Variants in NOL4L observed in about 807,000 individuals in gnomAD.
NOL4L encodes nucleolar protein 4-like.
In NOL4L, 7 loss-of-function variants were observed where a neutral mutation model predicts 64.5. The ratio of observed to expected loss-of-function variants is 0.11; its 90% CI spans 0.06 to 0.20. The LOEUF (loss-of-function observed/expected upper bound fraction) is 0.20, where lower values mean the gene tolerates loss of function less well. NOL4L is among the 10% of genes least tolerant of loss of function. NOL4L has a pLI of 1.00. For synonymous variants in NOL4L, 413 were observed against 401.0 expected, an observed-to-expected ratio of 1.03 and a Z score of -0.36; for missense variants, 680 against 967.1, an observed-to-expected ratio of 0.70 and a Z score of 3.94.
rs2018205246 is a variant in NOL4L, at chr20:32,528,135, G to A, written c.322-222C>T. Among the ~76,000 whole-genome samples, 4 of 152,326 alleles carry A rather than the reference G, an allele frequency of 2.6e-5. No individual in the cohort carries two copies. In the East Asian group the frequency reaches 5.8e-4, roughly 22 times the overall value. ...CCAGCAACAATGGGCAGAGAACGGCGACAACGAAAATACAAATTAAAAAAC... is the reference window on the plus strand; with the variant it reads ...CCAGCAACAATGGGCAGAGAACGGCAACAACGAAAATACAAATTAAAAAAC... On this transcript the variant is annotated intron_variant, in intron 1 of 10. Transcript: ENST00000621426.
At chr20:32,514,457 A>T (rs1381006232) in intron 3 of NOL4L, among the ~76,000 whole-genome samples, 1 of 151,514 alleles carries the variant, frequency 6.6e-6, no homozygotes, top group Non-Finnish European at 1.5e-5. Context: ...ATGTCATTGC[A>T]CTCCAGCCTG....
At position 32,460,683 on chromosome 20, in the gene NOL4L, C is replaced by T. The variant is rs955579109; in HGVS notation, c.842-4288G>A. ...CACATCATAACTCACCCACTGCCGA[C>T]GCACGAGGCTCCCAGACTGCAACGG... On this transcript the variant is annotated intron_variant, in intron 5 of 10. Transcript: ENST00000621426. The surrounding 1 kb of genome is among the most constrained non-coding windows in gnomAD (Gnocchi z 5.7). 7.2e-5 allele frequency among the ~76,000 whole-genome samples: 11 copies of T among 152,206 alleles called. No homozygotes were observed. The highest frequency in any genetic ancestry group is 1.2e-4 in the Non-Finnish European group (8 of 68,030).
At chr20:32,547,429 A>G (rs2018747364) in intron 1 of NOL4L, among the ~76,000 whole-genome samples, 1 of 152,098 alleles carries the variant, frequency 6.6e-6, no homozygotes. Context: ...TAGCTGGACT[A>G]CAGGCACAAG....
intron 1 of NOL4L, among the ~76,000 whole-genome samples, chr20:32,542,765 A>G (rs1038312186): frequency 4.6e-5 from 7 of 152,172 alleles, no homozygotes; most frequent in African/African-American, 1.7e-4. Flanking sequence ...TGTGAAGATG[A>G]AACACCTTAA....
intron 1 of NOL4L, among the ~76,000 whole-genome samples, chr20:32,560,873 G>C (rs1435452716): frequency 2.0e-5 from 3 of 152,270 alleles, no homozygotes; most frequent in African/African-American, 7.2e-5. Flanking sequence ...TAGGAGCTTA[G>C]CCAGCATCGG....
intron 10 of NOL4L, chr20:32,449,832 T>G (rs6141724): frequency 0.34 from 51,340 of 152,242 alleles, 9,986 homozygotes; most frequent in East Asian, 0.72. Context: ...TGGTCCCCTC[T>G]GCGTCATGCT....
intron 2 of NOL4L, among the ~76,000 whole-genome samples, chr20:32,522,259 G>A (rs1335298297): frequency 6.6e-6 from 1 of 152,230 alleles, no homozygotes; most frequent in Non-Finnish European, 1.5e-5. Context: ...TGACACAATT[G>A]TTATTTCTCA....
At chr20:32,528,110 C>A (rs2018204452) in intron 1 of NOL4L, among the ~76,000 whole-genome samples, 197 bp from the exon 2 acceptor site, 1 of 152,184 alleles carries the variant, frequency 6.6e-6, no homozygotes, top group Non-Finnish European at 1.5e-5. Context: ...ATGAAATCTA[C>A]CAGCAACAAT....
At chr20:32,533,613 G>A (rs2018417852) in intron 1 of NOL4L, 1 of 152,074 alleles carries the variant, frequency 6.6e-6, no homozygotes, top group Non-Finnish European at 1.5e-5. Flanking sequence ...AATCTTATTG[G>A]GCAACATTAG....
At position 32,552,205 on chromosome 20, in the gene NOL4L, AGAAAC is replaced by A. The variant is rs902264947; in HGVS notation, c.322-24297_322-24293del. 1.6e-4 allele frequency among the ~76,000 whole-genome samples: 24 copies of A among 152,336 alleles called. 1 individual carries two copies. Among genetic ancestry groups the A allele is most frequent in the Admixed American group, 1.5e-3 (23 of 15,288 alleles). ...TGTACAACATATTTTGTGTAAAACT[AGAAAC>A]AAAACCCAGAAATAGATATGCATAT... On this transcript the variant is annotated intron_variant, in intron 1 of 10. Coordinates refer to ENST00000621426, the MANE Select transcript of NOL4L (RefSeq NM_001256798.2).
At chr20:32,579,312 C>T (rs1368776072) in intron 1 of NOL4L, among the ~76,000 whole-genome samples, 3 of 152,180 alleles carry the variant, frequency 2.0e-5, no homozygotes, top group African/African-American at 7.2e-5. Flanking sequence ...ACACTCACAC[C>T]CACACAGTTG....
Position 32,584,919 on chromosome 20 carries a change from G to T in NOL4L, c.-29C>A, listed in dbSNP as rs865833932. 3.0e-5 allele frequency: 35 copies of T among 1,173,346 alleles called. 1 individual carries two copies. The Middle Eastern group carries it at 2.8e-3, about 92-fold the overall frequency. 72.7% of individuals were successfully genotyped at this position (1,173,346 alleles called of 1,614,324 possible). ...CCCGCCGCGCCCGGCGCCCTCGGGG[G>T]CGGGCCGGCCGCCGGGCCGCCCGGT... On this transcript the variant is annotated 5_prime_UTR_variant, in exon 1 of 11. Transcript: ENST00000621426.
chr20:32,464,721 T>A lies in NOL4L; in HGVS notation c.842-8326A>T. The A allele has an allele frequency of 3.5e-6, 1 of 287,134 alleles. No homozygotes were observed. The highest frequency in any genetic ancestry group is 6.4e-6 in the Non-Finnish European group (1 of 155,872). The allele number at this position is 287,134 out of a possible 1,614,324, so 17.8% of individuals were successfully genotyped here. On this transcript the variant is annotated intron_variant, in intron 5 of 10. Coordinates refer to ENST00000621426, the MANE Select transcript of NOL4L (RefSeq NM_001256798.2). This position sits in a 1 kb window ranked among gnomAD's most constrained non-coding sequence, Gnocchi z 5.6. Reference sequence around the variant, plus strand: ...CGACAGAAACAGAGTGGGAGCCGCATGAGGGATTTGAGTGCCCTAGTACCC... The same window carrying A: ...CGACAGAAACAGAGTGGGAGCCGCAAGAGGGATTTGAGTGCCCTAGTACCC...
intron 3 of NOL4L, among the ~76,000 whole-genome samples, chr20:32,514,825 T>A (rs954027418): frequency 4.6e-5 from 7 of 152,104 alleles, no homozygotes; most frequent in Non-Finnish European, 1.0e-4. Flanking sequence ...CTGAGAATTC[T>A]GCCATTTCTG....
At chr20:32,452,801 G>T in intron 9 of NOL4L, 83 bp downstream of exon 9, 2 of 1,573,788 alleles carry the variant, frequency 1.3e-6, no homozygotes, top group Admixed American at 3.4e-5. Context: ...ACCCATCACA[G>T]CTCCCTCAGT....
chr20:32,532,504 T>C, intron 1 of NOL4L: 6 of 330,212 alleles, frequency 1.8e-5, no homozygotes, highest in Non-Finnish European at 2.6e-5. Flanking sequence ...GTAATAACCT[T>C]CATGCTAAAT....
intron 1 of NOL4L, among the ~76,000 whole-genome samples, chr20:32,582,423 GT>G (rs1392658413): frequency 6.6e-6 from 1 of 152,178 alleles, no homozygotes; most frequent in Non-Finnish European, 1.5e-5. Context: ...AGGACCTGGG[GT>G]CCAGGCCCAG....
chr20:32,530,092 A>G (rs1166020325), intron 1 of NOL4L, among the ~76,000 whole-genome samples: 1 of 152,178 alleles, frequency 6.6e-6, no homozygotes, highest in Non-Finnish European at 1.5e-5. Flanking sequence ...CTGCCATGAC[A>G]GGGTTGGGAT....
At chr20:32,485,076 A>AAAAAAAAAAAAAAAAAAAAAAAAAAAAC in intron 4 of NOL4L, among the ~76,000 whole-genome samples, 1 of 148,188 alleles carries the variant, frequency 6.7e-6, no homozygotes. Context: ...AAAAAAAAAA[A>AAAAAAAAAAAAAAAAAAAAAAAAAAAAC]AAAAAAAAAA....
Sources: allele counts gnomAD v4.1 joint callset (sites outside exome capture counted in the v4.1 genomes callset), GRCh38; gene constraint gnomAD v4.1.1; non-coding constraint Gnocchi (gnomAD v3.1); transcripts MANE v1.5; gene names NCBI Gene and HGNC (gene_info 2026-07-23, HGNC 2026-07-21).